The following OXR1 variants were observed in gnomAD, a reference collection of about 807,000 sequenced individuals.
OXR1 encodes the protein oxidation resistance 1.
In OXR1, 41 loss-of-function variants were observed where a neutral mutation model predicts 104.6. The observed-to-expected ratio is 0.39, with a 90% confidence interval of 0.31 to 0.51. OXR1 has a LOEUF of 0.51. Among genes scored for constraint, OXR1 ranks in the 20% least tolerant of loss-of-function variants. The pLI, the probability that OXR1 is intolerant of heterozygous loss-of-function variation, is 0.77. For missense variants in OXR1, 955 were observed against 1,031.9 expected, an observed-to-expected ratio of 0.93 and a Z score of 1.02; for synonymous variants, 348 against 348.4, an observed-to-expected ratio of 1.00 and a Z score of 0.01.
At chr8:106,488,404 CT>C (rs1810841497) in intron 2 of OXR1, among the ~76,000 whole-genome samples, 1 of 147,256 alleles carries the variant, frequency 6.8e-6, no homozygotes, top group Admixed American at 6.8e-5. Context: ...GTTTCTTTTG[CT>C]GTGCAGAAGC....
rs942292911 is a variant in OXR1, at chr8:106,498,186, T to C, written c.24-20757T>C. Among the ~76,000 whole-genome samples the C allele has an allele frequency of 1.7e-4, 26 of 152,172 alleles. 1 individual carries two copies. The highest frequency in any genetic ancestry group is 1.2e-3 in the Admixed American group (19 of 15,260). On this transcript the variant is annotated intron_variant, in intron 2 of 16. Coordinates refer to ENST00000517566, the MANE Select transcript of OXR1 (RefSeq NM_001198533.2). ...TACATTTCACAATATTGTAGTAAAA[T>C]ATAATTTTAGGAAAGTGGTACAATT...
At chr8:106,428,311 G>A (rs1365440222) in intron 2 of OXR1, among the ~76,000 whole-genome samples, 2 of 152,180 alleles carry the variant, frequency 1.3e-5, no homozygotes, top group Admixed American at 1.3e-4. Context: ...ACAGGAAGAA[G>A]GGGATTGGGT....
chr8:106,456,848 CAT>C (rs1022919513), intron 2 of OXR1, among the ~76,000 whole-genome samples: 21 of 152,218 alleles, frequency 1.4e-4, no homozygotes, highest in East Asian at 5.8e-4. Context: ...AATAAAGAAA[CAT>C]GTGTGTGCAT....
chr8:106,339,517 A>AAAAAAATAT (rs1815127547), intron 1 of OXR1, among the ~76,000 whole-genome samples: 1 of 29,308 alleles, frequency 3.4e-5, no homozygotes, highest in Non-Finnish European at 5.4e-5. Flanking sequence ...AAAAAAAAAA[A>AAAAAAATAT]AAATATATAT....
At chr8:106,379,505 C>G (rs1226917609) in intron 2 of OXR1, among the ~76,000 whole-genome samples, 1 of 147,580 alleles carries the variant, frequency 6.8e-6, no homozygotes. Flanking sequence ...TATAATAAGC[C>G]TGTATTCTTT....
chr8:106,336,917 A>G lies in OXR1; in HGVS notation c.-138-22559A>G, dbSNP rs535120294. 8.5e-5 allele frequency among the ~76,000 whole-genome samples: 13 copies of G among 152,296 alleles called. No individual in the cohort carries two copies. In the South Asian group the frequency reaches 2.7e-3, roughly 32 times the overall value. ...GTCATTTAGATACTGAGCTAATTCA[A>G]AATTTGTTAGGCAAATGTGTATACC... On this transcript the variant is annotated intron_variant, in intron 1 of 16. Transcript: ENST00000517566.
intron 3 of OXR1, among the ~76,000 whole-genome samples, chr8:106,665,254 A>C (rs1011850495): frequency 6.6e-6 from 1 of 152,094 alleles, no homozygotes; most frequent in African/African-American, 2.4e-5. Context: ...CAGTTTAAAC[A>C]CACTAATTAA....
chr8:106,482,578 G>A (rs1046853430), intron 2 of OXR1, among the ~76,000 whole-genome samples: 2 of 151,884 alleles, frequency 1.3e-5, no homozygotes, highest in African/African-American at 4.8e-5. Flanking sequence ...ATAGTTTTTG[G>A]CCCATGGTAA....
At chr8:106,311,593 A>G (rs1007227415) in intron 1 of OXR1, among the ~76,000 whole-genome samples, 26 of 152,090 alleles carry the variant, frequency 1.7e-4, no homozygotes, top group African/African-American at 6.3e-4. Flanking sequence ...CCCAGCTGCT[A>G]TTGTCTTACT....
At chr8:106,419,890 A>G (rs535891571) in intron 2 of OXR1, among the ~76,000 whole-genome samples, 2 of 152,292 alleles carry the variant, frequency 1.3e-5, no homozygotes, top group East Asian at 1.9e-4. Context: ...AAAGGAAACA[A>G]TTCATCCTGG....
intron 1 of OXR1, among the ~76,000 whole-genome samples, chr8:106,298,128 A>G (rs1282945459): frequency 1.3e-5 from 2 of 152,214 alleles, no homozygotes; most frequent in Non-Finnish European, 2.9e-5. Flanking sequence ...TTATTTATGC[A>G]TAACAAGTAG....
chr8:106,405,182 ATATATATATATATATATATAGTGT>A (rs1818179564), intron 2 of OXR1, among the ~76,000 whole-genome samples: 4 of 15,866 alleles, frequency 2.5e-4, no homozygotes, highest in African/African-American at 3.7e-4. Flanking sequence ...ATATATATAT[ATATATATATATATATATATAGTGT>A]GTGTGTGTGT....
At chr8:106,432,245 C>A (rs1188158995) in intron 2 of OXR1, among the ~76,000 whole-genome samples, 8 of 152,152 alleles carry the variant, frequency 5.3e-5, no homozygotes, top group Admixed American at 2.6e-4. Context: ...CTTCACCCAG[C>A]AGCCAGATTG....
intron 2 of OXR1, among the ~76,000 whole-genome samples, chr8:106,431,744 G>T (rs1819368837): frequency 6.6e-6 from 1 of 152,160 alleles, no homozygotes; most frequent in Admixed American, 6.5e-5. Flanking sequence ...ATGAATTAAT[G>T]AAAGATGATT....
chr8:106,557,362 T>C (rs1816359116), intron 3 of OXR1, among the ~76,000 whole-genome samples: 1 of 152,178 alleles, frequency 6.6e-6, no homozygotes, highest in South Asian at 2.1e-4. Flanking sequence ...ATTTTAATTA[T>C]GTAAATCATA....
At chr8:106,739,839 T>C (rs1271678554) in intron 13 of OXR1, among the ~76,000 whole-genome samples, 1 of 133,302 alleles carries the variant, frequency 7.5e-6, no homozygotes, top group Non-Finnish European at 1.5e-5. Context: ...TTATTTCATG[T>C]AGTTGTTACA....
At chr8:106,580,992 G>C (rs1818182874) in intron 3 of OXR1, 1 of 1,052,514 alleles carries the variant, frequency 9.5e-7, no homozygotes, top group African/African-American at 1.7e-5. Context: ...GGCTACCACT[G>C]TCTTACCCAG....
chr8:106,468,114 A>G (rs1349873115), intron 2 of OXR1, among the ~76,000 whole-genome samples: 3 of 151,754 alleles, frequency 2.0e-5, no homozygotes, highest in East Asian at 1.9e-4. Flanking sequence ...TTCATTCTTT[A>G]TCTATTTAAT....
At chr8:106,363,040 T>TA (rs1263700841) in intron 2 of OXR1, among the ~76,000 whole-genome samples, 1 of 152,234 alleles carries the variant, frequency 6.6e-6, no homozygotes, top group Non-Finnish European at 1.5e-5. Context: ...CCAAATCTGT[T>TA]AAAGACTGGA....
Sources: gnomAD v4.1 joint callset for allele counts (sites outside exome capture counted in the v4.1 genomes callset) on GRCh38, gnomAD v4.1.1 for gene constraint, MANE v1.5 for transcripts, NCBI Gene and HGNC (gene_info 2026-07-23, HGNC 2026-07-21) for gene names.